Variants in SCFD2 observed in about 807,000 individuals in gnomAD.
The protein encoded by SCFD2 is sec1 family domain containing 2, also known as sec1 family domain-containing protein 2.
A neutral mutation model predicts 58.9 loss-of-function variants in SCFD2; 54 were observed. The ratio of observed to expected loss-of-function variants is 0.92; its 90% CI spans 0.74 to 1.15. SCFD2 has a LOEUF of 1.15. Ranked by LOEUF, SCFD2 falls within the 50% of genes most tolerant of loss-of-function variation. The pLI, the probability that SCFD2 is intolerant of heterozygous loss-of-function variation, is 0.00. For synonymous variants in SCFD2, 321 were observed against 335.9 expected (o/e 0.96, Z 0.49); for missense variants, 805 against 836.6 (o/e 0.96, Z 0.47).
chr4:52,950,282 G>A (rs1720554167), intron 5 of SCFD2: 1 of 152,216 alleles, frequency 6.6e-6, no homozygotes, highest in African/African-American at 2.4e-5. Context: ...TAGACTTCTT[G>A]TCCCCAAGAC....
At chr4:53,356,356 C>A (rs1289190577) in intron 1 of SCFD2, among the ~76,000 whole-genome samples, 2 of 152,208 alleles carry the variant, frequency 1.3e-5, no homozygotes, top group Non-Finnish European at 2.9e-5. Flanking sequence ...GTCACTAAAC[C>A]TAGCCCACAC....
chr4:52,880,190 T>C (rs1456677115), intron 8 of SCFD2, among the ~76,000 whole-genome samples: 1 of 152,142 alleles, frequency 6.6e-6, no homozygotes, highest in East Asian at 1.9e-4. Flanking sequence ...TTCGCTGTTG[T>C]CTCCCTGGGG....
intron 3 of SCFD2, among the ~76,000 whole-genome samples, chr4:53,309,975 G>T (rs1197225555): frequency 6.6e-6 from 1 of 152,130 alleles, no homozygotes; most frequent in African/African-American, 2.4e-5. Context: ...ATAAGTGGCA[G>T]AACTGTGATT....
At chr4:53,256,061 G>T (rs1258593069) in intron 4 of SCFD2, among the ~76,000 whole-genome samples, 13 of 150,396 alleles carry the variant, frequency 8.6e-5, no homozygotes, top group African/African-American at 2.9e-4. Flanking sequence ...TGGCCTGGTG[G>T]GGGCTGACCC....
chr4:53,311,202 G>C (rs1422331479), intron 3 of SCFD2, among the ~76,000 whole-genome samples: 7 of 152,258 alleles, frequency 4.6e-5, no homozygotes, highest in Non-Finnish European at 8.8e-5. Context: ...TGTTACTAAA[G>C]AGTAGTGGGC....
At chr4:52,927,968 T>C (rs997529948) in intron 5 of SCFD2, among the ~76,000 whole-genome samples, 2 of 152,186 alleles carry the variant, frequency 1.3e-5, no homozygotes, top group Non-Finnish European at 2.9e-5. Flanking sequence ...GTTTTATATT[T>C]ATACTACCCA....
intron 4 of SCFD2, among the ~76,000 whole-genome samples, chr4:53,203,879 G>A (rs569428366): frequency 7.9e-5 from 12 of 152,208 alleles, no homozygotes; most frequent in African/African-American, 2.4e-4. Context: ...AGGAGGTTTC[G>A]TATCTGGAGA....
chr4:52,952,972 G>A (rs1720635568), intron 5 of SCFD2, among the ~76,000 whole-genome samples: 1 of 152,186 alleles, frequency 6.6e-6, no homozygotes, highest in Non-Finnish European at 1.5e-5. Flanking sequence ...GCCACAGATA[G>A]CAGAAAAGTT....
At chr4:53,246,479 G>C (rs1336929500) in intron 4 of SCFD2, among the ~76,000 whole-genome samples, 4 of 152,126 alleles carry the variant, frequency 2.6e-5, no homozygotes, top group Admixed American at 2.6e-4. Context: ...AAACAGCATG[G>C]TACTAGTGCA....
chr4:53,187,381 C>T (rs1229160469), intron 4 of SCFD2, among the ~76,000 whole-genome samples: 2 of 151,818 alleles, frequency 1.3e-5, no homozygotes, highest in East Asian at 1.9e-4. Flanking sequence ...AATGTGCATA[C>T]CTTCCTAAAA....
At chr4:52,948,582 T>G (rs910172962) in intron 5 of SCFD2, 1 of 455,106 alleles carries the variant, frequency 2.2e-6, no homozygotes, top group Non-Finnish European at 4.4e-6. Context: ...CTGTTCCTAG[T>G]GGGGACATGC....
chr4:53,231,768 T>C (rs561830432), intron 4 of SCFD2, among the ~76,000 whole-genome samples: 2 of 152,172 alleles, frequency 1.3e-5, no homozygotes, highest in African/African-American at 4.8e-5. Flanking sequence ...TCTTTTCTTT[T>C]TCTCACTAAG....
At chr4:53,141,819 C>G (rs1400714661) in intron 5 of SCFD2, among the ~76,000 whole-genome samples, 1 of 152,094 alleles carries the variant, frequency 6.6e-6, no homozygotes, top group Non-Finnish European at 1.5e-5. Context: ...GTTCTGATGT[C>G]TAAGGCAGCA....
intron 5 of SCFD2, among the ~76,000 whole-genome samples, chr4:53,082,143 T>C (rs1026826822): frequency 1.3e-5 from 2 of 152,180 alleles, no homozygotes; most frequent in Non-Finnish European, 2.9e-5. Flanking sequence ...ATGAATAATA[T>C]TGCTATTAAC....
rs1409851591 is a variant in SCFD2, at chr4:53,132,981, A to G, written c.1561+12352T>C. Among the ~76,000 whole-genome samples, 3 of 152,190 alleles carry G rather than the reference A, an allele frequency of 2.0e-5. No homozygotes were observed. In the East Asian group the frequency reaches 5.8e-4, roughly 29 times the overall value. ...GGGATGAGAGAAGAATGCAGAGGTG[A>G]TAATAAGGGAAGCATAAGAGGAAAA... On this transcript the variant is annotated intron_variant, in intron 5 of 8. Transcript: ENST00000401642.
intron 5 of SCFD2, among the ~76,000 whole-genome samples, chr4:53,118,758 G>A (rs1389411622): frequency 1.3e-5 from 2 of 152,064 alleles, no homozygotes; most frequent in Non-Finnish European, 1.5e-5. Context: ...ATTCGATTCT[G>A]ACTCTAGAAG....
intron 4 of SCFD2, among the ~76,000 whole-genome samples, chr4:53,238,605 G>A (rs1220424422): frequency 2.6e-5 from 4 of 151,788 alleles, no homozygotes; most frequent in South Asian, 2.1e-4. Context: ...CTTCCCAGAC[G>A]GGGCGGCTGC....
At chr4:52,879,656 G>T (rs1718562267) in intron 8 of SCFD2, among the ~76,000 whole-genome samples, 1 of 152,158 alleles carries the variant, frequency 6.6e-6, no homozygotes, top group African/African-American at 2.4e-5. Flanking sequence ...TTGTTCTCAG[G>T]CCTGCCCTGA....
rs746998934 is a variant in SCFD2 at position 53,032,263 on chromosome 4, A to T, written c.1562-111393T>A. 7.9e-4 allele frequency among the ~76,000 whole-genome samples: 120 copies of T among 152,206 alleles called. 3 individuals are homozygous for T. The highest frequency in any genetic ancestry group is 1.6e-3 in the Admixed American group (25 of 15,290). On this transcript the variant is annotated intron_variant, in intron 5 of 8. Coordinates refer to ENST00000401642, the MANE Select transcript of SCFD2 (RefSeq NM_152540.4). ...CTGAGAGATTTTGTCACCACCAGGC[A>T]TGCCTTACAAGAGCTCCTGAAGGAA... is the stretch of plus-strand genomic sequence containing the variant.
Sources: gnomAD v4.1 joint callset for allele counts (sites outside exome capture counted in the v4.1 genomes callset) on GRCh38, gnomAD v4.1.1 for gene constraint, MANE v1.5 for transcripts, NCBI Gene and HGNC (gene_info 2026-07-23, HGNC 2026-07-21) for gene names.